The following TSPAN9 variants were observed in gnomAD, a reference collection of about 807,000 sequenced individuals.
The protein encoded by TSPAN9 is tetraspanin-9.
A neutral mutation model predicts 31.0 loss-of-function variants in TSPAN9; 16 were observed. The ratio of observed to expected loss-of-function variants is 0.52; its 90% CI spans 0.35 to 0.78. The LOEUF (loss-of-function observed/expected upper bound fraction) is 0.78. TSPAN9 is among the 30% of genes least tolerant of loss of function. The pLI is 0.01. For missense variants in TSPAN9, 272 were observed against 312.5 expected, an observed-to-expected ratio of 0.87 and a Z score of 0.98; for synonymous variants, 145 against 121.6, an observed-to-expected ratio of 1.19 and a Z score of -1.27.
chr12:3,229,461 C>A (rs547630132), intron 3 of TSPAN9, among the ~76,000 whole-genome samples: 13 of 152,228 alleles, frequency 8.5e-5, no homozygotes, highest in African/African-American at 3.1e-4. Flanking sequence ...ATCTTGCTCC[C>A]AGCAAATCCC....
At chr12:3,109,238 GAGGA>G (rs951182886) in intron 2 of TSPAN9, among the ~76,000 whole-genome samples, 2 of 147,040 alleles carry the variant, frequency 1.4e-5, no homozygotes, top group African/African-American at 5.1e-5. Flanking sequence ...TCCTGGCCAG[GAGGA>G]AGGATTCTTT....
chr12:3,129,197 G>C (rs928543064), intron 2 of TSPAN9, among the ~76,000 whole-genome samples: 2 of 152,026 alleles, frequency 1.3e-5, no homozygotes, highest in Non-Finnish European at 2.9e-5. Flanking sequence ...TCTACCTTTT[G>C]GCTATTGTGC....
chr12:3,245,779 C>T (rs1862112910), intron 3 of TSPAN9, among the ~76,000 whole-genome samples: 1 of 152,174 alleles, frequency 6.6e-6, no homozygotes, highest in Admixed American at 6.5e-5. Context: ...GATGCTGTAT[C>T]TTATCTGCAT....
At chr12:3,282,603 T>C (rs1862917827) in intron 8 of TSPAN9, among the ~76,000 whole-genome samples, 1 of 152,168 alleles carries the variant, frequency 6.6e-6, no homozygotes, top group African/African-American at 2.4e-5. Context: ...TCTCCCTCTA[T>C]TGCCCAGGCC....
At chr12:3,081,844 G>GTGTGTGTGTGTATATATA (rs57812985) in intron 1 of TSPAN9, among the ~76,000 whole-genome samples, 1 of 116,738 alleles carries the variant, frequency 8.6e-6, no homozygotes, top group African/African-American at 3.7e-5. Context: ...GTCTGTGTGT[G>GTGTGTGTGTGTATATATA]TATATATATG....
At chr12:3,240,699 C>T (rs916033622) in intron 3 of TSPAN9, among the ~76,000 whole-genome samples, 1 of 152,156 alleles carries the variant, frequency 6.6e-6, no homozygotes, top group Non-Finnish European at 1.5e-5. Context: ...CCTTACACTA[C>T]ACCAGCCTGT....
At chr12:3,158,363 T>A (rs1417351706) in intron 2 of TSPAN9, among the ~76,000 whole-genome samples, 1 of 152,212 alleles carries the variant, frequency 6.6e-6, no homozygotes, top group Non-Finnish European at 1.5e-5. Flanking sequence ...TGTGCTTCCA[T>A]GTATAGTGTG....
At chr12:3,109,028 C>T (rs181872022) in intron 2 of TSPAN9, among the ~76,000 whole-genome samples, 67 of 152,010 alleles carry the variant, frequency 4.4e-4, no homozygotes, top group Admixed American at 1.4e-3. Flanking sequence ...CTCCGCCTCT[C>T]GGGTTTACAC....
chr12:3,282,010 A>G (rs921853490), intron 8 of TSPAN9, 193 bp downstream of exon 8: 1 of 753,666 alleles, frequency 1.3e-6, no homozygotes, highest in Non-Finnish European at 2.4e-6. Flanking sequence ...TCTACTCAGC[A>G]CTGAGAGTGG....
chr12:3,091,101 T>G (rs1730332064), intron 2 of TSPAN9, among the ~76,000 whole-genome samples: 1 of 152,216 alleles, frequency 6.6e-6, no homozygotes, highest in Non-Finnish European at 1.5e-5. Context: ...CCCTGCTGAT[T>G]TTCATGGCAT....
At chr12:3,146,801 G>A (rs573825750) in intron 2 of TSPAN9, among the ~76,000 whole-genome samples, 73 of 152,170 alleles carry the variant, frequency 4.8e-4, no homozygotes, top group Non-Finnish European at 9.9e-4. Flanking sequence ...TTCTGCTTGT[G>A]CGTCTGGACA....
intron 2 of TSPAN9, among the ~76,000 whole-genome samples, chr12:3,105,523 T>C (rs1407504676): frequency 6.6e-6 from 1 of 150,858 alleles, no homozygotes; most frequent in East Asian, 2.0e-4. Context: ...AGCCTAGGCC[T>C]CTGTGCAGCT....
At chr12:3,129,952 G>A (rs184248185) in intron 2 of TSPAN9, among the ~76,000 whole-genome samples, 1 of 152,276 alleles carries the variant, frequency 6.6e-6, no homozygotes, top group Admixed American at 6.5e-5. Flanking sequence ...GATATCAGGT[G>A]TACTTGGAGG....
chr12:3,206,506 A>G (rs903071697), intron 3 of TSPAN9: 12 of 308,274 alleles, frequency 3.9e-5, no homozygotes, highest in African/African-American at 2.1e-4. Context: ...CTACACCCAC[A>G]CAGCCACTTT....
chr12:3,218,632 A>G (rs2098382621), intron 3 of TSPAN9, among the ~76,000 whole-genome samples: 1 of 152,064 alleles, frequency 6.6e-6, no homozygotes, highest in Non-Finnish European at 1.5e-5. Flanking sequence ...GGAGGAGGAG[A>G]GGAAAAACGC....
At chr12:3,268,042 C>T (rs187738009) in intron 3 of TSPAN9, among the ~76,000 whole-genome samples, 185 of 152,358 alleles carry the variant, frequency 1.2e-3, no homozygotes, top group African/African-American at 4.3e-3. Context: ...GGGCAGTCCC[C>T]TCCACCAGCT....
intron 2 of TSPAN9, among the ~76,000 whole-genome samples, chr12:3,097,198 C>T (rs936212577): frequency 1.3e-5 from 2 of 152,152 alleles, no homozygotes; most frequent in Non-Finnish European, 2.9e-5. Flanking sequence ...CAGATTCTGT[C>T]GTTTCTCTCC....
chr12:3,188,488 G>A (rs1455350175), intron 2 of TSPAN9, among the ~76,000 whole-genome samples: 3 of 152,126 alleles, frequency 2.0e-5, no homozygotes, highest in Non-Finnish European at 2.9e-5. Flanking sequence ...AAGGGAGGGG[G>A]CAGCATCAGT....
Position 3,276,015 on chromosome 12 carries a change from C to T in TSPAN9, c.64-2406C>T, listed in dbSNP as rs79445879. Reference sequence around the variant, plus strand: ...CAAATTGGACCATTTCTCACCGCTCCTCCGTAGCCTCCTGGTATGAGTCGT... The same window carrying T: ...CAAATTGGACCATTTCTCACCGCTCTTCCGTAGCCTCCTGGTATGAGTCGT... On this transcript the variant is annotated intron_variant, in intron 3 of 8. Transcript: ENST00000011898. 4.9e-4 allele frequency among the ~76,000 whole-genome samples: 75 copies of T among 152,338 alleles called. 1 individual carries two copies. The East Asian group carries it at 0.013, about 27-fold the overall frequency.
Sources: allele counts gnomAD v4.1 joint callset (sites outside exome capture counted in the v4.1 genomes callset), GRCh38; gene constraint gnomAD v4.1.1; transcripts MANE v1.5; gene names NCBI Gene and HGNC (gene_info 2026-07-23, HGNC 2026-07-21).